The following MSI2 variants were observed in gnomAD, a reference collection of about 807,000 sequenced individuals.
The protein encoded by MSI2 is RNA-binding protein Musashi homolog 2.
Under a neutral mutation model 45.6 loss-of-function variants are expected in MSI2, and 17 were observed. The observed-to-expected ratio is 0.37, with a 90% CI of 0.26 to 0.56. MSI2 has a LOEUF of 0.56. Among genes scored for constraint, MSI2 ranks in the 20% least tolerant of loss-of-function variants. The pLI is 0.77. For synonymous variants in MSI2, 156 were observed against 158.2 expected, an observed-to-expected ratio of 0.99 and a Z score of 0.11; for missense variants, 293 against 444.2, an observed-to-expected ratio of 0.66 and a Z score of 3.06.
intron 5 of MSI2, among the ~76,000 whole-genome samples, chr17:57,295,992 C>CTTTTTTTTTTTTTTTTT (rs386386327): frequency 1.6e-4 from 6 of 38,656 alleles, no homozygotes; most frequent in Admixed American, 1.0e-3. Flanking sequence ...CGCAGCCTTC[C>CTTTTTTTTTTTTTTTTT]TTTTTTTTTT....
At position 57,663,434 on chromosome 17, in the gene MSI2, A is replaced by C. The variant is rs750244848; in HGVS notation, c.790+11273A>C. Among the ~76,000 whole-genome samples the C allele has an allele frequency of 1.6e-3, 250 of 152,154 alleles. 1 individual carries two copies. The highest frequency in any genetic ancestry group is 4.5e-3 in the Admixed American group (69 of 15,280). On this transcript the variant is annotated intron_variant, in intron 11 of 13. Coordinates refer to ENST00000284073, the MANE Select transcript of MSI2 (RefSeq NM_138962.4). ...TGTGGCAGAGGCTTGTGTAGCCGGG[A>C]AAGGCACCCCAGCCCCGCTCGCCCC...
At chr17:57,589,043 T>C (rs1904573798) in intron 7 of MSI2, among the ~76,000 whole-genome samples, 1 of 152,150 alleles carries the variant, frequency 6.6e-6, no homozygotes, top group African/African-American at 2.4e-5. Context: ...TGTGGACTGA[T>C]CCTCAATAAC....
At chr17:57,356,768 T>G (rs1916452230) in intron 5 of MSI2, among the ~76,000 whole-genome samples, 1 of 152,232 alleles carries the variant, frequency 6.6e-6, no homozygotes. Context: ...GAGTCTTTTG[T>G]AATGGGATTT....
chr17:57,264,673 G>C (rs1242223304), intron 5 of MSI2: 1 of 152,248 alleles, frequency 6.6e-6, no homozygotes, highest in African/African-American at 2.4e-5. Context: ...GAGAGTACTA[G>C]TATGAGCTCA....
Position 57,403,830 on chromosome 17 carries a change from A to G in MSI2, c.405+2359A>G, listed in dbSNP as rs144577867. Among the ~76,000 whole-genome samples, 266 of 152,230 alleles carry G rather than the reference A, an allele frequency of 1.7e-3. 1 individual carries two copies. Among genetic ancestry groups the G allele is most frequent in the African/African-American group, 6.2e-3 (257 of 41,512 alleles). ...GCTGCTGGGCCTTGGGAGCACTACA[A>G]TGATTAAATCCAGTGGTTGTGAAAG... is the stretch of plus-strand genomic sequence containing the variant. On this transcript the variant is annotated intron_variant, in intron 6 of 13. Transcript: ENST00000284073.
At chr17:57,390,914 C>T (rs990305849) in intron 5 of MSI2, among the ~76,000 whole-genome samples, 6 of 152,166 alleles carry the variant, frequency 3.9e-5, no homozygotes, top group African/African-American at 1.2e-4. Flanking sequence ...TGTGATGTTT[C>T]CCAAATGTCA....
At chr17:57,549,075 A>G (rs1358786224) in intron 7 of MSI2, among the ~76,000 whole-genome samples, 3 of 152,110 alleles carry the variant, frequency 2.0e-5, no homozygotes, top group Admixed American at 6.5e-5. Context: ...TGGTCTCACT[A>G]TGTTGCCCAG....
At chr17:57,544,131 G>T in intron 7 of MSI2, among the ~76,000 whole-genome samples, 1 of 152,188 alleles carries the variant, frequency 6.6e-6, no homozygotes. Flanking sequence ...GAGTGTGTTT[G>T]TGTGTAGGTA....
Position 57,679,548 on chromosome 17 carries a change from G to A in MSI2, c.*32-1G>A. On this transcript the variant is annotated splice_acceptor_variant, in intron 13 of 13. Transcript: ENST00000284073. LOFTEE classifies it low-confidence loss of function (3UTR_SPLICE). The stretch of plus-strand genomic sequence containing the variant: ...ACATCCTGGCCTTCCCTGCCCTGCA[G>A]AGCATACCTGGATGTCCAGGCAAGA... The A allele has an allele frequency of 3.8e-6, 4 of 1,056,456 alleles. No individual in the cohort carries two copies. Among genetic ancestry groups the A allele is most frequent in the Non-Finnish European group, 4.6e-6 (4 of 873,456 alleles). The allele number at this position is 1,056,456 out of a possible 1,614,324, so 65.4% of individuals were successfully genotyped here.
chr17:57,260,605 G>A (rs1183119133), intron 4 of MSI2, among the ~76,000 whole-genome samples: 3 of 152,116 alleles, frequency 2.0e-5, no homozygotes, highest in Admixed American at 6.5e-5. Flanking sequence ...GTAGACAAGC[G>A]CTAGTCAGTG....
intron 5 of MSI2, among the ~76,000 whole-genome samples, chr17:57,298,311 G>A (rs1911157745): frequency 6.6e-6 from 1 of 152,196 alleles, no homozygotes; most frequent in Admixed American, 6.5e-5. Context: ...GGGTGACCAG[G>A]TATGTTGTCA....
chr17:57,328,599 A>G (rs567652313), intron 5 of MSI2, among the ~76,000 whole-genome samples: 2 of 152,364 alleles, frequency 1.3e-5, no homozygotes, highest in African/African-American at 4.8e-5. Context: ...TACACACATC[A>G]ACAGCAACAT....
chr17:57,502,602 G>GATAGATATAGATAT (rs1190802566), intron 6 of MSI2, among the ~76,000 whole-genome samples: 2 of 54,418 alleles, frequency 3.7e-5, no homozygotes, highest in East Asian at 1.7e-3. Flanking sequence ...ATGACTCTGA[G>GATAGATATAGATAT]ATATATATAT....
intron 6 of MSI2, among the ~76,000 whole-genome samples, chr17:57,434,073 T>A (rs1205730530): frequency 6.6e-6 from 1 of 152,226 alleles, no homozygotes; most frequent in South Asian, 2.1e-4. Context: ...CACATACTTA[T>A]CATTTCTTTG....
At chr17:57,453,664 T>A (rs1159460748) in intron 6 of MSI2, among the ~76,000 whole-genome samples, 1 of 152,228 alleles carries the variant, frequency 6.6e-6, no homozygotes, top group Non-Finnish European at 1.5e-5. Flanking sequence ...ATTTAACCTA[T>A]CTATGCCTAG....
intron 5 of MSI2, among the ~76,000 whole-genome samples, chr17:57,336,199 G>T (rs1411025171): frequency 6.6e-6 from 1 of 152,204 alleles, no homozygotes; most frequent in Non-Finnish European, 1.5e-5. Flanking sequence ...ATGTCTTGAA[G>T]GTTGAGCTAT....
intron 9 of MSI2, among the ~76,000 whole-genome samples, chr17:57,625,360 G>C (rs1908699489): frequency 6.6e-6 from 1 of 152,226 alleles, no homozygotes; most frequent in Admixed American, 6.5e-5. Flanking sequence ...CAGGAAGTGA[G>C]GGACGGTGGA....
At chr17:57,427,049 C>T (rs566922072) in intron 6 of MSI2, among the ~76,000 whole-genome samples, 3 of 152,312 alleles carry the variant, frequency 2.0e-5, no homozygotes, top group Admixed American at 6.5e-5. Flanking sequence ...TGAATTGCTT[C>T]GAAGGTTTCT....
chr17:57,642,558 C>T (rs143773218), intron 10 of MSI2, among the ~76,000 whole-genome samples: 4 of 152,298 alleles, frequency 2.6e-5, no homozygotes, highest in African/African-American at 9.6e-5. Context: ...CCAGGCCCAG[C>T]TTACCATTAG....
Sources: allele counts gnomAD v4.1 joint callset (sites outside exome capture counted in the v4.1 genomes callset), GRCh38; gene constraint gnomAD v4.1.1; transcripts MANE v1.5; gene names NCBI Gene and HGNC (gene_info 2026-07-23, HGNC 2026-07-21).